The following EPHX1 variants were observed in gnomAD, a reference collection of about 807,000 sequenced individuals.
EPHX1 encodes epoxide hydrolase 1.
EPHX1 carries 40 observed loss-of-function variants against 43.2 expected under a neutral mutation model. That is an observed-to-expected ratio of 0.93 (90% CI 0.72 to 1.21). The LOEUF is 1.21. Among genes scored for constraint, EPHX1 ranks in the 50% most tolerant of loss-of-function variants. The probability of loss-of-function intolerance (pLI) is 0.00; values close to 1 mark genes in which losing one functional copy is unlikely to be tolerated. For missense variants in EPHX1, 550 were observed against 570.4 expected, an observed-to-expected ratio of 0.96 and a Z score of 0.36; for synonymous variants, 221 against 226.7, an observed-to-expected ratio of 0.98 and a Z score of 0.22.
At chr1:225,841,970 TCC>T (rs1668466806) in intron 6 of EPHX1, among the ~76,000 whole-genome samples, 1 of 152,188 alleles carries the variant, frequency 6.6e-6, no homozygotes, top group East Asian at 1.9e-4. Flanking sequence ...TTGTAACTGA[TCC>T]CCTATTTTAG....
At chr1:225,829,026 C>T (rs1667427605) in intron 2 of EPHX1, 114 bp downstream of exon 2, 11 of 1,261,388 alleles carry the variant, frequency 8.7e-6, no homozygotes, top group Non-Finnish European at 1.2e-5. Flanking sequence ...AATGGTCCAT[C>T]CTACTTGGGA....
intron 1 of EPHX1, among the ~76,000 whole-genome samples, chr1:225,818,763 T>A (rs531824110): frequency 5.3e-5 from 8 of 152,142 alleles, no homozygotes; most frequent in Non-Finnish European, 1.0e-4. Flanking sequence ...TTTAAGGGTT[T>A]CGCAGGGGAT....
At position 225,845,359 on chromosome 1, in the gene EPHX1, C is replaced by A; in HGVS notation, c.*12C>A. On this transcript the variant is annotated 3_prime_UTR_variant, in exon 9 of 9. Transcript: ENST00000272167. Reference sequence around the variant, plus strand: ...TGGAGCGGCAATGACCCACCCCTCTCCCCCCGCCTGCCACCTCCCCCCACA... The same window carrying A: ...TGGAGCGGCAATGACCCACCCCTCTACCCCCGCCTGCCACCTCCCCCCACA... 2 of 1,434,590 alleles carry A rather than the reference C, an allele frequency of 1.4e-6. No homozygotes were observed. Among genetic ancestry groups the A allele is most frequent in the Non-Finnish European group, 1.9e-6 (2 of 1,064,478 alleles). 88.9% of individuals were successfully genotyped at this position (1,434,590 alleles called of 1,614,324 possible). A position where few individuals can be genotyped will look rare whatever the true frequency, so the allele number is the denominator to read the frequency against.
At chr1:225,820,732 T>C (rs1476438871) in intron 1 of EPHX1, among the ~76,000 whole-genome samples, 2 of 152,154 alleles carry the variant, frequency 1.3e-5, no homozygotes, top group Non-Finnish European at 2.9e-5. Context: ...TTAAAAACCC[T>C]GCTCAATGAC....
At chr1:225,813,211 TA>T (rs1314377410) in intron 1 of EPHX1, among the ~76,000 whole-genome samples, 2 of 152,180 alleles carry the variant, frequency 1.3e-5, no homozygotes, top group East Asian at 3.9e-4. Flanking sequence ...ACACTTCAAC[TA>T]GAGTGAAGGC....
intron 1 of EPHX1, among the ~76,000 whole-genome samples, chr1:225,818,082 A>C (rs1290102578): frequency 1.3e-5 from 2 of 152,146 alleles, no homozygotes; most frequent in African/African-American, 4.8e-5. Flanking sequence ...GGGGCGTTAT[A>C]GTGCCTCATG....
At position 225,817,164 on chromosome 1, in the gene EPHX1, C is replaced by T. The variant is rs573938320; in HGVS notation, c.-6+6995C>T. ...TGCACAATCCCAGCTTGCCTGCATC[C>T]GGCCTCTTCCATCCTGAGTCTCCAG... On this transcript the variant is annotated intron_variant, in intron 1 of 8. Coordinates refer to ENST00000272167, the MANE Select transcript of EPHX1 (RefSeq NM_001136018.4). This position sits in a 1 kb window ranked among gnomAD's most constrained non-coding sequence, Gnocchi z 5.7. Among the ~76,000 whole-genome samples the T allele has an allele frequency of 3.3e-5, 5 of 152,324 alleles. No homozygotes were observed. The highest frequency in any genetic ancestry group is 2.1e-4 in the South Asian group (1 of 4,824).
chr1:225,822,241 A>C lies in EPHX1; in HGVS notation c.-5-6484A>C, dbSNP rs999176154. On this transcript the variant is annotated intron_variant, in intron 1 of 8. Coordinates refer to ENST00000272167, the MANE Select transcript of EPHX1 (RefSeq NM_001136018.4). ...CTATCTTCCAGTCACGTTTTTAAAA[A>C]AAATCATGCTGGTTTGCAACAAAAA... Among the ~76,000 whole-genome samples the C allele has an allele frequency of 3.9e-5, 6 of 152,338 alleles. No individual in the cohort carries two copies. In the South Asian group the frequency reaches 1.2e-3, roughly 32 times the overall value.
At chr1:225,838,529 C>A (rs1406266423) in intron 3 of EPHX1, 125 bp from the exon 4 acceptor site, 1 of 777,806 alleles carries the variant, frequency 1.3e-6, no homozygotes, top group Non-Finnish European at 2.1e-6. Context: ...ACTGTCAATA[C>A]CATGAAGGGG....
rs1666739340 is a variant in EPHX1 at position 225,816,687 on chromosome 1, C to G, written c.-6+6518C>G. Among the ~76,000 whole-genome samples, 2 of 152,232 alleles carry G rather than the reference C, an allele frequency of 1.3e-5. 1 individual carries two copies. Among genetic ancestry groups the G allele is most frequent in the South Asian group, 4.1e-4 (2 of 4,836 alleles). On this transcript the variant is annotated intron_variant, in intron 1 of 8. Coordinates refer to ENST00000272167, the MANE Select transcript of EPHX1 (RefSeq NM_001136018.4). ...CCCACCCGCGTGGCCTTCCCCTTCC[C>G]CTCTCCAGACCCTCCACAGCAGATG...
chr1:225,844,331 C>T (rs1668720544), intron 7 of EPHX1, among the ~76,000 whole-genome samples, 167 bp from the exon 8 acceptor site: 1 of 152,108 alleles, frequency 6.6e-6, no homozygotes, highest in Non-Finnish European at 1.5e-5. Flanking sequence ...CAGTCTAGTG[C>T]CCTGGGCGCA....
At position 225,839,301 on chromosome 1, in the gene EPHX1, A is replaced by G. The variant is rs1576027655; in HGVS notation, c.677A>G (p.Asp226Gly). The G allele has an allele frequency of 6.2e-7, 1 of 1,613,584 alleles. No homozygotes were observed. The highest frequency in any genetic ancestry group is 8.5e-7 in the Non-Finnish European group (1 of 1,179,924). The change falls in exon 5 of 9, where the codon GAC becomes GGC. Residue 226 changes from aspartate (D) to glycine (G), a missense_variant. Transcript: ENST00000272167. ...GFQEFYIQGG[D>G]WGSLICTNMA... ...CAGGAATTCTACATTCAAGGAGGGG[A>G]CTGGGGGTCCCTGATCTGCACTAAT...
rs141632704 is a variant in EPHX1, at chr1:225,821,686, G to A, written c.-5-7039G>A. Among the ~76,000 whole-genome samples the A allele has an allele frequency of 1.4e-3, 208 of 143,772 alleles. 2 individuals are homozygous for A. In the East Asian group the frequency reaches 0.038, roughly 26 times the overall value. 94.3% of individuals were successfully genotyped at this position (143,772 alleles called of 152,430 possible). A position where few individuals can be genotyped will look rare whatever the true frequency, so the allele number is the denominator to read the frequency against. The stretch of plus-strand genomic sequence containing the variant: ...AGCAATCTTCCCACTTCAGCCTCCC[G>A]AGTAGCTGGGACCTCAGGCATGCAC... On this transcript the variant is annotated intron_variant, in intron 1 of 8. Transcript: ENST00000272167.
At chr1:225,828,667 G>T in intron 1 of EPHX1, 58 bp from the exon 2 acceptor site, 1 of 1,586,018 alleles carries the variant, frequency 6.3e-7, no homozygotes, top group East Asian at 2.2e-5. Flanking sequence ...AGAGTCTCTG[G>T]GCTGTCAGGG....
Position 225,831,715 on chromosome 1 carries a change from G to A in EPHX1, c.184-64G>A. The A allele has an allele frequency of 1.9e-6, 3 of 1,552,922 alleles. No homozygotes were observed. In the South Asian group the frequency reaches 3.3e-5, roughly 17 times the overall value. On this transcript the variant is annotated intron_variant, in intron 2 of 8. Coordinates refer to ENST00000272167, the MANE Select transcript of EPHX1 (RefSeq NM_001136018.4). ...GGGTTTGCTGTGTTTTCTGGAAACA[G>A]ACTTTGCTCTTGTGCTCTGTCCTTC...
Position 225,838,635 on chromosome 1 carries a change from CTG to C in EPHX1, c.365-16_365-15del, listed in dbSNP as rs1444060869. 6.2e-7 allele frequency: 1 copy of C among 1,607,518 alleles called. No homozygotes were observed. The highest frequency in any genetic ancestry group is 1.3e-5 in the African/African-American group (1 of 74,804). ...GGTCTTCTCTCTCCCTCCACCCTGA[CTG>C]TGCTCTGTCCCCCCAGGGCTGGACA... On this transcript the variant is annotated splice_polypyrimidine_tract_variant and intron_variant, in intron 3 of 8. Transcript: ENST00000272167.
chr1:225,835,460 A>G (rs536662566), intron 3 of EPHX1, among the ~76,000 whole-genome samples: 3 of 139,962 alleles, frequency 2.1e-5, no homozygotes, highest in Non-Finnish European at 3.0e-5. Context: ...CGCAATCTCG[A>G]CTCACTGCAA....
chr1:225,845,363 C>A lies in EPHX1; in HGVS notation c.*16C>A, dbSNP rs753297238. ...GCGGCAATGACCCACCCCTCTCCCC[C>A]CGCCTGCCACCTCCCCCCACAAGTG... On this transcript the variant is annotated 3_prime_UTR_variant, in exon 9 of 9. Transcript: ENST00000272167. 1.4e-5 allele frequency: 22 copies of A among 1,563,606 alleles called. No individual in the cohort carries two copies. In the South Asian group the frequency reaches 2.2e-4, roughly 16 times the overall value.
At chr1:225,816,073 G>A (rs974187684) in intron 1 of EPHX1, among the ~76,000 whole-genome samples, 24 of 152,262 alleles carry the variant, frequency 1.6e-4, no homozygotes, top group East Asian at 1.9e-4. Flanking sequence ...CAGGCGGATC[G>A]CTTAACAGGA....
Sources: allele counts gnomAD v4.1 joint callset (sites outside exome capture counted in the v4.1 genomes callset), GRCh38; gene constraint gnomAD v4.1.1; non-coding constraint Gnocchi (gnomAD v3.1); transcripts MANE v1.5; gene names NCBI Gene and HGNC (gene_info 2026-07-23, HGNC 2026-07-21).